KCNMB2: variants seen among roughly 807,000 people sequenced by gnomAD.
KCNMB2 encodes calcium-activated potassium channel subunit beta-2.
Under a neutral mutation model 24.5 loss-of-function variants are expected in KCNMB2, and 9 were observed. The ratio of observed to expected loss-of-function variants is 0.37; its 90% CI spans 0.22 to 0.64. The LOEUF is 0.64. KCNMB2 is among the 30% of genes least tolerant of loss of function. The probability of loss-of-function intolerance (pLI) is 0.63; values close to 1 mark genes in which losing one functional copy is unlikely to be tolerated. For missense variants in KCNMB2, 226 were observed against 284.3 expected (o/e 0.79, Z 1.47); for synonymous variants, 109 against 104.4 (o/e 1.04, Z -0.27).
intron 1 of KCNMB2, among the ~76,000 whole-genome samples, chr3:178,677,606 G>A (rs935434006): frequency 2.0e-5 from 3 of 152,112 alleles, no homozygotes; most frequent in Non-Finnish European, 2.9e-5. Context: ...AAAACCCCTG[G>A]CCTGTCGTCT....
At chr3:178,691,602 G>A (rs1721678964) in intron 1 of KCNMB2, among the ~76,000 whole-genome samples, 1 of 152,044 alleles carries the variant, frequency 6.6e-6, no homozygotes, top group South Asian at 2.1e-4. Context: ...TCTTTTTATG[G>A]CTGCATAGTA....
chr3:178,631,043 C>G (rs1174024020), intron 1 of KCNMB2, among the ~76,000 whole-genome samples: 1 of 152,156 alleles, frequency 6.6e-6, no homozygotes, highest in African/African-American at 2.4e-5. Flanking sequence ...CTTAATAAAA[C>G]TATATAGCAT....
intron 1 of KCNMB2, among the ~76,000 whole-genome samples, chr3:178,642,016 T>A (rs1719747160): frequency 6.6e-6 from 1 of 152,136 alleles, no homozygotes; most frequent in Admixed American, 6.6e-5. Context: ...TAAGACTTAC[T>A]AAATAGCTAG....
intron 1 of KCNMB2, among the ~76,000 whole-genome samples, chr3:178,593,642 A>G (rs1040100590): frequency 5.3e-5 from 8 of 151,734 alleles, no homozygotes; most frequent in African/African-American, 1.9e-4. Context: ...TGTCCATAAT[A>G]TGGCATGTTC....
intron 1 of KCNMB2, among the ~76,000 whole-genome samples, chr3:178,659,095 C>T (rs531663556): frequency 6.6e-6 from 1 of 152,324 alleles, no homozygotes; most frequent in Admixed American, 6.5e-5. Flanking sequence ...GCAAAGCAAT[C>T]GGCTAAGGAT....
In KCNMB2 at chr3:178,699,761, C is replaced by T. The variant is rs373766503; in HGVS notation, c.-67-107582C>T. 1.2e-3 allele frequency among the ~76,000 whole-genome samples: 190 copies of T among 152,326 alleles called. 4 individuals are homozygous for T. Among genetic ancestry groups the T allele is most frequent in the African/African-American group, 4.4e-3 (181 of 41,570 alleles). On this transcript the variant is annotated intron_variant, in intron 1 of 4. Coordinates refer to ENST00000452583, the MANE Select transcript of KCNMB2 (RefSeq NM_181361.3). ...GCTTAGGGGGATGGCTGTCCCTGAC[C>T]GTGCTCCACTACAGACACTCCTGCA...
chr3:178,619,293 C>G (rs1200491018), intron 1 of KCNMB2, among the ~76,000 whole-genome samples: 1 of 152,068 alleles, frequency 6.6e-6, no homozygotes, highest in African/African-American at 2.4e-5. Context: ...GAATAAATGT[C>G]AGAAGTCACA....
intron 1 of KCNMB2, among the ~76,000 whole-genome samples, chr3:178,625,305 G>T (rs113637669): frequency 6.6e-6 from 1 of 152,156 alleles, no homozygotes; most frequent in African/African-American, 2.4e-5. Context: ...GGGTGGGGGC[G>T]GGGAGAAGAC....
At chr3:178,825,902 A>T (rs1453689550) in intron 3 of KCNMB2, 144 bp downstream of exon 3, 6 of 585,390 alleles carry the variant, frequency 1.0e-5, no homozygotes, top group Non-Finnish European at 1.8e-5. Context: ...ACTTTTCAAT[A>T]ATGTTATCTA....
intron 1 of KCNMB2, among the ~76,000 whole-genome samples, chr3:178,564,993 G>A (rs1313158214): frequency 6.6e-6 from 1 of 151,976 alleles, no homozygotes; most frequent in Non-Finnish European, 1.5e-5. Flanking sequence ...TAAAGTATAT[G>A]AAATTAAATT....
intron 1 of KCNMB2, among the ~76,000 whole-genome samples, chr3:178,564,356 G>A (rs751563362): frequency 1.9e-4 from 29 of 152,114 alleles, no homozygotes; most frequent in Non-Finnish European, 4.3e-4. Flanking sequence ...TATAACAATA[G>A]TGACTAGAAC....
chr3:178,610,720 G>T (rs896109521), intron 1 of KCNMB2, among the ~76,000 whole-genome samples: 2 of 152,108 alleles, frequency 1.3e-5, no homozygotes, highest in African/African-American at 4.8e-5. Context: ...TATTTTTCCA[G>T]TCAGGATGCC....
chr3:178,801,999 G>A (rs1713794399), intron 1 of KCNMB2: 1 of 152,174 alleles, frequency 6.6e-6, no homozygotes, highest in Admixed American at 6.5e-5. Context: ...AGTAAAGTAT[G>A]TAGTTGATTT....
At chr3:178,775,554 G>T (rs925536720) in intron 1 of KCNMB2, among the ~76,000 whole-genome samples, 1 of 152,074 alleles carries the variant, frequency 6.6e-6, no homozygotes, top group Admixed American at 6.6e-5. Flanking sequence ...TAAAATAGGA[G>T]TTCTTTTTCT....
At chr3:178,795,393 A>T (rs964294940) in intron 1 of KCNMB2, among the ~76,000 whole-genome samples, 3 of 152,242 alleles carry the variant, frequency 2.0e-5, no homozygotes, top group Non-Finnish European at 4.4e-5. Context: ...AAGTGCTTAC[A>T]TCACGACTCC....
rs1391493756 is a variant in KCNMB2 at position 178,782,313 on chromosome 3, G to T, written c.-67-25030G>T. Among the ~76,000 whole-genome samples the T allele has an allele frequency of 2.2e-5, 3 of 138,978 alleles. No individual in the cohort carries two copies. In the Admixed American group the frequency reaches 2.2e-4, roughly 10 times the overall value. 91.2% of individuals were successfully genotyped at this position (138,978 alleles called of 152,430 possible). On this transcript the variant is annotated intron_variant, in intron 1 of 4. Transcript: ENST00000452583. The stretch of plus-strand genomic sequence containing the variant: ...TCCTTTGGGTATATACCCAGTAATG[G>T]GATGGCTGGGTCAAATGGTATTTCT...
chr3:178,765,051 A>G (rs549825794), intron 1 of KCNMB2, among the ~76,000 whole-genome samples: 1 of 152,370 alleles, frequency 6.6e-6, no homozygotes, highest in Non-Finnish European at 1.5e-5. Flanking sequence ...ATAACGTAGT[A>G]TGGGAATCTT....
chr3:178,628,958 TCTC>T (rs1236202255), intron 1 of KCNMB2, among the ~76,000 whole-genome samples: 10 of 152,144 alleles, frequency 6.6e-5, no homozygotes, highest in Non-Finnish European at 1.5e-4. Context: ...TTAAATATCT[TCTC>T]CTGATATCAT....
At chr3:178,796,599 G>T (rs1321947151) in intron 1 of KCNMB2, among the ~76,000 whole-genome samples, 1 of 152,062 alleles carries the variant, frequency 6.6e-6, no homozygotes, top group Non-Finnish European at 1.5e-5. Flanking sequence ...ATAACAAGAG[G>T]AATTTCGGAA....
Sources: gnomAD v4.1 joint callset for allele counts (sites outside exome capture counted in the v4.1 genomes callset) on GRCh38, gnomAD v4.1.1 for gene constraint, MANE v1.5 for transcripts, NCBI Gene and HGNC (gene_info 2026-07-23, HGNC 2026-07-21) for gene names.